The following SKAP2 variants were observed in gnomAD, a reference collection of about 807,000 sequenced individuals.
SKAP2 encodes src kinase associated phosphoprotein 2.
A neutral mutation model predicts 54.9 loss-of-function variants in SKAP2; 28 were observed. That is an observed-to-expected ratio of 0.51 (90% CI 0.38 to 0.70). The LOEUF is 0.70. Among genes scored for constraint, SKAP2 ranks in the 30% least tolerant of loss-of-function variants. The pLI, the probability that SKAP2 is intolerant of heterozygous loss-of-function variation, is 0.00. For missense variants in SKAP2, 356 were observed against 424.1 expected, an observed-to-expected ratio of 0.84 and a Z score of 1.41; for synonymous variants, 137 against 134.3, an observed-to-expected ratio of 1.02 and a Z score of -0.14.
intron 4 of SKAP2, among the ~76,000 whole-genome samples, chr7:26,842,210 C>T (rs925983331): frequency 6.6e-6 from 1 of 151,360 alleles, no homozygotes; most frequent in African/African-American, 2.4e-5. Flanking sequence ...TTAATCTGCT[C>T]AAGAATTGCT....
chr7:26,658,360 C>A, the SKAP2 span, among the ~76,000 whole-genome samples: 1 of 152,154 alleles, frequency 6.6e-6, no homozygotes, highest in South Asian at 2.1e-4. Flanking sequence ...CCTTTTTGTG[C>A]AGATCATTTT....
At chr7:26,834,999 A>AG (rs1279394799) in intron 4 of SKAP2, among the ~76,000 whole-genome samples, 1 of 152,168 alleles carries the variant, frequency 6.6e-6, no homozygotes, top group Non-Finnish European at 1.5e-5. Flanking sequence ...TATCCACCAC[A>AG]ATCAAGTTGG....
intron 4 of SKAP2, among the ~76,000 whole-genome samples, chr7:26,789,717 T>G (rs1220491562): frequency 1.3e-5 from 2 of 152,180 alleles, no homozygotes; most frequent in Non-Finnish European, 2.9e-5. Flanking sequence ...CCTGTAGTTT[T>G]GGTTCTAATT....
At chr7:26,788,582 C>T (rs1336774606) in intron 4 of SKAP2, among the ~76,000 whole-genome samples, 1 of 151,960 alleles carries the variant, frequency 6.6e-6, no homozygotes, top group Admixed American at 6.6e-5. Context: ...AGCATATAAA[C>T]ACCAAACAAT....
At chr7:26,864,055 T>TCACACACTCACACACACACA (rs1554310124) in intron 1 of SKAP2, among the ~76,000 whole-genome samples, 1,806 of 143,410 alleles carry the variant, frequency 0.013, 44 homozygotes, top group African/African-American at 0.044. Context: ...CGCCCTTCTG[T>TCACACACTCACACACACACA]CACACACACA....
intron 4 of SKAP2, among the ~76,000 whole-genome samples, chr7:26,818,469 C>T (rs1391232967): frequency 1.3e-5 from 2 of 151,930 alleles, no homozygotes; most frequent in Non-Finnish European, 2.9e-5. Context: ...AACCTAAAAC[C>T]ATAAAAACCC....
chr7:26,721,035 T>C (rs1311949460), intron 9 of SKAP2, among the ~76,000 whole-genome samples: 3 of 152,184 alleles, frequency 2.0e-5, no homozygotes, highest in Non-Finnish European at 4.4e-5. Flanking sequence ...GAAAAAATAA[T>C]GTTAGCAGGC....
In SKAP2 at chr7:26,724,803, T is replaced by A. The variant is rs141229252; in HGVS notation, c.796+625A>T. Among the ~76,000 whole-genome samples, 1,511 of 152,262 alleles carry A rather than the reference T, an allele frequency of 9.9e-3. 52 individuals carry two copies. Among genetic ancestry groups the A allele is most frequent in the Admixed American group, 0.069 (1,060 of 15,276 alleles). On this transcript the variant is annotated intron_variant, in intron 9 of 12. Coordinates refer to ENST00000345317, the MANE Select transcript of SKAP2 (RefSeq NM_003930.5). ...GGCCGCAAGTCAAGTAGCTAATAGATAATTAATTTTATGTTACATAACAGA... is the reference window on the plus strand; with the variant it reads ...GGCCGCAAGTCAAGTAGCTAATAGAAAATTAATTTTATGTTACATAACAGA...
intron 9 of SKAP2, among the ~76,000 whole-genome samples, chr7:26,718,630 C>T (rs567824915): frequency 5.3e-5 from 8 of 152,122 alleles, no homozygotes; most frequent in African/African-American, 7.2e-5. Flanking sequence ...CTCAGCACCC[C>T]GAGTAGCCGG....
chr7:26,728,209 T>C (rs2127956897), intron 6 of SKAP2, among the ~76,000 whole-genome samples: 1 of 152,268 alleles, frequency 6.6e-6, no homozygotes, highest in Non-Finnish European at 1.5e-5. Flanking sequence ...TCTATGTTTT[T>C]CACAAAAACG....
chr7:26,836,995 C>T (rs1784728025), intron 4 of SKAP2, among the ~76,000 whole-genome samples: 2 of 152,156 alleles, frequency 1.3e-5, no homozygotes, highest in South Asian at 4.1e-4. Flanking sequence ...CCATGGAATA[C>T]TATGCAGCCA....
rs1786171596 is a variant in SKAP2 at position 26,668,939 on chromosome 7, A to G, written c.*727T>C. On this transcript the variant is annotated 3_prime_UTR_variant, in exon 13 of 13. Coordinates refer to ENST00000345317, the MANE Select transcript of SKAP2 (RefSeq NM_003930.5). ...TCTTAGGAATTTTTTGTTTCATTAA[A>G]TTTAAACAAAAGTACAGTAGAAAAT... 2 of 152,082 alleles carry G rather than the reference A, an allele frequency of 1.3e-5. No homozygotes were observed. The highest frequency in any genetic ancestry group is 2.4e-5 in the African/African-American group (1 of 41,394). 9.4% of individuals were successfully genotyped at this position (152,082 alleles called of 1,614,324 possible).
At chr7:26,830,608 T>C (rs1212976448) in intron 4 of SKAP2, among the ~76,000 whole-genome samples, 4 of 152,166 alleles carry the variant, frequency 2.6e-5, no homozygotes, top group African/African-American at 9.6e-5. Context: ...GTGCTATTCA[T>C]ATATAACGAG....
At chr7:26,797,899 A>C (rs1266293162) in intron 4 of SKAP2, among the ~76,000 whole-genome samples, 1 of 151,972 alleles carries the variant, frequency 6.6e-6, no homozygotes, top group Non-Finnish European at 1.5e-5. Flanking sequence ...TGAAGAATGC[A>C]ATTGGCATAC....
intron 4 of SKAP2, among the ~76,000 whole-genome samples, chr7:26,824,984 C>G (rs1251457611): frequency 6.6e-6 from 1 of 152,132 alleles, no homozygotes; most frequent in South Asian, 2.1e-4. Flanking sequence ...TTATTTACCA[C>G]ATTATATGAC....
intron 4 of SKAP2, among the ~76,000 whole-genome samples, chr7:26,788,103 T>C (rs1041806604): frequency 1.3e-5 from 2 of 152,186 alleles, no homozygotes; most frequent in African/African-American, 4.8e-5. Context: ...TATTAAGGAA[T>C]GTGTGGACAA....
intron 4 of SKAP2, among the ~76,000 whole-genome samples, chr7:26,766,430 T>C (rs964436347): frequency 1.3e-5 from 2 of 152,130 alleles, no homozygotes; most frequent in Non-Finnish European, 2.9e-5. Context: ...GAGACAATTT[T>C]ACTTCCTCTC....
chr7:26,663,468 C>T (rs1252171549), downstream of SKAP2, among the ~76,000 whole-genome samples: 1 of 152,076 alleles, frequency 6.6e-6, no homozygotes, highest in Non-Finnish European at 1.5e-5. Flanking sequence ...CGGAATAAGA[C>T]CTTGTACGTA....
At chr7:26,786,934 T>C (rs1783559368) in intron 4 of SKAP2, among the ~76,000 whole-genome samples, 2 of 152,178 alleles carry the variant, frequency 1.3e-5, no homozygotes, top group Admixed American at 1.3e-4. Context: ...ATTTTGCATC[T>C]CTGTTTCCCA....
Sources: gnomAD v4.1 joint callset for allele counts (sites outside exome capture counted in the v4.1 genomes callset) on GRCh38, gnomAD v4.1.1 for gene constraint, MANE v1.5 for transcripts, NCBI Gene and HGNC (gene_info 2026-07-23, HGNC 2026-07-21) for gene names.